Variants in OR1J2 observed in about 807,000 individuals in gnomAD.
OR1J2 encodes the protein olfactory receptor family 1 subfamily J member 2, also known as olfactory receptor 1J2.
For missense variants in OR1J2, 304 were observed against 246.1 expected, an observed-to-expected ratio of 1.24 and a Z score of -1.57; for synonymous variants, 142 against 99.7, an observed-to-expected ratio of 1.42 and a Z score of -2.52.
the OR1J2 span, among the ~76,000 whole-genome samples, chr9:122,461,405 T>C: frequency 7.3e-5 from 11 of 150,566 alleles, no homozygotes; most frequent in Middle Eastern, 3.2e-3. Flanking sequence ...TTTTTTTTTG[T>C]TTCAATTTCA....
the OR1J2 span, among the ~76,000 whole-genome samples, chr9:122,531,886 T>C: frequency 6.6e-6 from 1 of 152,176 alleles, no homozygotes; most frequent in Non-Finnish European, 1.5e-5. Flanking sequence ...GAAAGGCCTC[T>C]ACCTATCCAG....
At chr9:122,527,471 C>T in the OR1J2 span, among the ~76,000 whole-genome samples, 1 of 152,154 alleles carries the variant, frequency 6.6e-6, no homozygotes, top group Non-Finnish European at 1.5e-5. Flanking sequence ...CCCCCTTTCT[C>T]CTCTCTTTAC....
chr9:122,473,765 G>C, the OR1J2 span, among the ~76,000 whole-genome samples: 10 of 152,154 alleles, frequency 6.6e-5, no homozygotes. Context: ...TGGGACTCTG[G>C]ATTGCTTCCT....
chr9:122,550,334 G>T, the OR1J2 span, among the ~76,000 whole-genome samples: 1 of 148,120 alleles, frequency 6.8e-6, no homozygotes, highest in Non-Finnish European at 1.5e-5. Context: ...CAAAGAACTG[G>T]TACCAGTCTT....
At chr9:122,468,703 A>T in the OR1J2 span, among the ~76,000 whole-genome samples, 1 of 152,224 alleles carries the variant, frequency 6.6e-6, no homozygotes, top group Admixed American at 6.5e-5. Context: ...TTGTTAGTCA[A>T]GGCGACTGAG....
chr9:122,526,667 A>G, the OR1J2 span: 6 of 1,614,064 alleles, frequency 3.7e-6, no homozygotes, highest in South Asian at 6.6e-5. Context: ...CAATGCATAA[A>G]AAGGGGACGA....
the OR1J2 span, among the ~76,000 whole-genome samples, chr9:122,532,254 G>C: frequency 6.6e-6 from 1 of 152,144 alleles, no homozygotes; most frequent in Non-Finnish European, 1.5e-5. Context: ...GGAACACTGA[G>C]AAGTTATTTC....
chr9:122,557,499 C>A, the OR1J2 span, among the ~76,000 whole-genome samples: 1 of 151,920 alleles, frequency 6.6e-6, no homozygotes, highest in Admixed American at 6.6e-5. Flanking sequence ...TTGATGTGAT[C>A]AACTAAATTA....
chr9:122,458,990 T>C, the OR1J2 span, among the ~76,000 whole-genome samples: 28 of 152,322 alleles, frequency 1.8e-4, no homozygotes, highest in African/African-American at 5.5e-4. Context: ...CCCTACCCTT[T>C]GCACTATTCT....
At chr9:122,568,202 G>A in the OR1J2 span, 1 of 1,614,134 alleles carries the variant, frequency 6.2e-7, no homozygotes, top group East Asian at 2.2e-5. Flanking sequence ...CATAGGAGAT[G>A]GTCTTCTTTT....
At chr9:122,568,287 A>T in the OR1J2 span, 1 of 1,614,118 alleles carries the variant, frequency 6.2e-7, no homozygotes, top group Non-Finnish European at 8.5e-7. Context: ...CAGAAAACTC[A>T]AGAAGAAATA....
the OR1J2 span, among the ~76,000 whole-genome samples, chr9:122,491,346 G>C: frequency 1.3e-5 from 2 of 151,986 alleles, no homozygotes; most frequent in Non-Finnish European, 2.9e-5. Flanking sequence ...TTCATGGACT[G>C]TCAACATAGA....
the OR1J2 span, among the ~76,000 whole-genome samples, chr9:122,580,293 T>C: frequency 6.6e-6 from 1 of 152,090 alleles, no homozygotes; most frequent in Non-Finnish European, 1.5e-5. Flanking sequence ...TATTGAGGAC[T>C]CTAACTGTAA....
the OR1J2 span, among the ~76,000 whole-genome samples, chr9:122,481,728 C>G: frequency 1.3e-5 from 2 of 152,116 alleles, no homozygotes; most frequent in Non-Finnish European, 2.9e-5. Context: ...AGAAAAGGAA[C>G]TCTGATACAT....
the OR1J2 span, among the ~76,000 whole-genome samples, chr9:122,552,795 TG>T: frequency 7.0e-6 from 1 of 143,804 alleles, no homozygotes; most frequent in Non-Finnish European, 1.5e-5. Flanking sequence ...TGTGTGTGTG[TG>T]TTGGAGGAGG....
chr9:122,520,426 A>G, the OR1J2 span, among the ~76,000 whole-genome samples: 1 of 152,200 alleles, frequency 6.6e-6, no homozygotes, highest in African/African-American at 2.4e-5. Context: ...GTACTTGTAA[A>G]GGCATTTCCC....
At chr9:122,453,028 CAAA>C in the OR1J2 span, among the ~76,000 whole-genome samples, 23,155 of 93,062 alleles carry the variant, frequency 0.25, 2,213 homozygotes, top group African/African-American at 0.36. Flanking sequence ...AGCTTCGTCT[CAAA>C]AAAAAAAAAA....
chr9:122,554,288 T>TAA, the OR1J2 span: 6,216 of 546,322 alleles, frequency 0.011, 90 homozygotes, highest in African/African-American at 0.062. Flanking sequence ...GTTAGGGATG[T>TAA]AAAAAAAAAA....
At chr9:122,529,419 A>G in the OR1J2 span, among the ~76,000 whole-genome samples, 120 of 152,260 alleles carry the variant, frequency 7.9e-4, no homozygotes, top group African/African-American at 2.7e-3. Context: ...CATCTTTTTG[A>G]TCATTTGTGT....
Sources: allele counts gnomAD v4.1 joint callset (sites outside exome capture counted in the v4.1 genomes callset), GRCh38; gene constraint gnomAD v4.1.1; transcripts MANE v1.5; gene names NCBI Gene and HGNC (gene_info 2026-07-23, HGNC 2026-07-21).